Variants in CTNND2 observed in about 807,000 individuals in gnomAD.
CTNND2 encodes the protein catenin delta-2.
A neutral mutation model predicts 144.4 loss-of-function variants in CTNND2; 22 were observed. The ratio of observed to expected loss-of-function variants is 0.15; its 90% CI spans 0.11 to 0.22. The LOEUF is 0.22. Among genes scored for constraint, CTNND2 ranks in the 10% least tolerant of loss-of-function variants. CTNND2 has a pLI of 1.00. For synonymous variants in CTNND2, 751 were observed against 695.6 expected (o/e 1.08, Z -1.25); for missense variants, 1,353 against 1,618.8 (o/e 0.84, Z 2.82).
chr5:11,551,164 G>A (rs1775725098), intron 3 of CTNND2, among the ~76,000 whole-genome samples: 2 of 152,108 alleles, frequency 1.3e-5, no homozygotes, highest in African/African-American at 2.4e-5. Flanking sequence ...CTCAAAGAAT[G>A]GGTATGCTCA....
rs184000693 is a variant in CTNND2 at position 11,741,080 on chromosome 5, G to A, written c.38-8808C>T. On this transcript the variant is annotated intron_variant, in intron 1 of 21. Transcript: ENST00000304623. ...AAGTCAGGAAACAACAGATGCTGGAGAGGATGTGGAGAAATAAGAATGCTT... is the reference window on the plus strand; with the variant it reads ...AAGTCAGGAAACAACAGATGCTGGAAAGGATGTGGAGAAATAAGAATGCTT... Among the ~76,000 whole-genome samples, 876 of 152,332 alleles carry A rather than the reference G, an allele frequency of 5.8e-3. 10 individuals carry two copies. Among genetic ancestry groups the A allele is most frequent in the African/African-American group, 0.02 (836 of 41,576 alleles).
intron 16 of CTNND2, among the ~76,000 whole-genome samples, chr5:11,040,209 G>A (rs753540324): frequency 4.6e-5 from 7 of 152,120 alleles, no homozygotes; most frequent in Non-Finnish European, 1.0e-4. Flanking sequence ...TCACGCCATT[G>A]CACTCTAGCC....
chr5:11,893,821 C>G (rs1217643981), intron 1 of CTNND2, among the ~76,000 whole-genome samples: 3 of 152,142 alleles, frequency 2.0e-5, no homozygotes, highest in Non-Finnish European at 4.4e-5. Context: ...TATCACACAA[C>G]CCATGCTAAA....
intron 12 of CTNND2, among the ~76,000 whole-genome samples, chr5:11,146,293 A>T (rs2149743651): frequency 6.6e-6 from 1 of 152,322 alleles, no homozygotes; most frequent in African/African-American, 2.4e-5. Context: ...GGAGAGGATG[A>T]GATGGCTACG....
chr5:11,678,701 T>C (rs960592673), intron 2 of CTNND2, among the ~76,000 whole-genome samples: 1 of 152,126 alleles, frequency 6.6e-6, no homozygotes, highest in Non-Finnish European at 1.5e-5. Context: ...AAAATTAAGG[T>C]TAATCTTCCT....
intron 12 of CTNND2, among the ~76,000 whole-genome samples, chr5:11,129,384 T>G (rs987286386): frequency 7.4e-6 from 1 of 136,014 alleles, no homozygotes; most frequent in African/African-American, 2.8e-5. Flanking sequence ...GGTGGTGGCA[T>G]AGAAAATACC....
At chr5:11,786,596 A>G (rs1790846861) in intron 1 of CTNND2, among the ~76,000 whole-genome samples, 1 of 152,250 alleles carries the variant, frequency 6.6e-6, no homozygotes, top group South Asian at 2.1e-4. Context: ...CAGAACAAAA[A>G]TGACAAAGAC....
rs1489822810 is a variant in CTNND2 at position 11,903,653 on chromosome 5, T to G, written c.37+164A>C. Among the ~76,000 whole-genome samples, 1 of 152,070 alleles carries G rather than the reference T, an allele frequency of 6.6e-6. No individual in the cohort carries two copies. Among genetic ancestry groups the G allele is most frequent in the African/African-American group, 2.4e-5 (1 of 41,426 alleles). The stretch of plus-strand genomic sequence containing the variant: ...GGCACAGCGGCTTCCGAGGGGGACC[T>G]GGCGCGATCGCGGTCCTCCCCGAGG... On this transcript the variant is annotated intron_variant, in intron 1 of 21. Coordinates refer to ENST00000304623, the MANE Select transcript of CTNND2 (RefSeq NM_001332.4). This position sits in a 1 kb window ranked among gnomAD's most constrained non-coding sequence, Gnocchi z 5.4.
At chr5:11,566,410 A>G (rs1488557197) in intron 2 of CTNND2, among the ~76,000 whole-genome samples, 2 of 152,096 alleles carry the variant, frequency 1.3e-5, no homozygotes, top group African/African-American at 4.8e-5. Context: ...TTAAAGTCCT[A>G]CTGCTTTTTT....
At chr5:11,402,429 C>T (rs1760719076) in intron 5 of CTNND2, among the ~76,000 whole-genome samples, 1 of 152,192 alleles carries the variant, frequency 6.6e-6, no homozygotes. Context: ...TAAATAGATT[C>T]AAAGCACTTT....
At chr5:11,865,197 T>C (rs1795704957) in intron 1 of CTNND2, among the ~76,000 whole-genome samples, 1 of 152,124 alleles carries the variant, frequency 6.6e-6, no homozygotes, top group Non-Finnish European at 1.5e-5. Context: ...GCCAGCCTGT[T>C]CTTGTTTTTG....
chr5:11,556,981 A>G (rs950905518), intron 3 of CTNND2, among the ~76,000 whole-genome samples: 4 of 152,120 alleles, frequency 2.6e-5, no homozygotes, highest in African/African-American at 9.7e-5. Context: ...AAATTCTACC[A>G]CTTCTCAGAA....
chr5:11,363,851 G>C (rs1296389197), intron 8 of CTNND2, among the ~76,000 whole-genome samples: 1 of 152,220 alleles, frequency 6.6e-6, no homozygotes, highest in Non-Finnish European at 1.5e-5. Context: ...GCCAGCCTCA[G>C]TCCCTGCCGG....
At chr5:11,156,188 G>C (rs891663962) in intron 12 of CTNND2, among the ~76,000 whole-genome samples, 9 of 152,156 alleles carry the variant, frequency 5.9e-5, no homozygotes, top group African/African-American at 2.2e-4. Context: ...CTAAGCCTTA[G>C]GCAGATTTTA....
intron 1 of CTNND2, among the ~76,000 whole-genome samples, chr5:11,782,717 G>A (rs188014484): frequency 8.3e-4 from 127 of 152,284 alleles, no homozygotes; most frequent in African/African-American, 2.5e-3. Context: ...GGTTCACTGT[G>A]AAACGCTCAG....
chr5:11,091,917 T>C (rs1369865228), intron 15 of CTNND2, among the ~76,000 whole-genome samples: 3 of 152,236 alleles, frequency 2.0e-5, no homozygotes, highest in Non-Finnish European at 4.4e-5. Context: ...GGGAGTCCTC[T>C]GCACATCTCT....
chr5:11,448,531 G>A (rs991245713), intron 3 of CTNND2, among the ~76,000 whole-genome samples: 8 of 151,786 alleles, frequency 5.3e-5, no homozygotes, highest in African/African-American at 1.7e-4. Context: ...TGCTGTTGTC[G>A]TTTTCAAATA....
intron 19 of CTNND2, among the ~76,000 whole-genome samples, chr5:10,990,894 C>T (rs1358677753): frequency 6.6e-6 from 1 of 152,198 alleles, no homozygotes; most frequent in Non-Finnish European, 1.5e-5. Flanking sequence ...CTTGCCGATC[C>T]ATCATGTCGT....
At chr5:11,698,288 AT>A (rs34917192) in intron 2 of CTNND2, among the ~76,000 whole-genome samples, 19,782 of 140,334 alleles carry the variant, frequency 0.14, 1,274 homozygotes, top group African/African-American at 0.18. Context: ...ACACATTATT[AT>A]TTTTTTTTTT....
Sources: allele counts gnomAD v4.1 joint callset (sites outside exome capture counted in the v4.1 genomes callset), GRCh38; gene constraint gnomAD v4.1.1; non-coding constraint Gnocchi (gnomAD v3.1); transcripts MANE v1.5; gene names NCBI Gene and HGNC (gene_info 2026-07-23, HGNC 2026-07-21).